FOXP2: variants seen among roughly 807,000 people sequenced by gnomAD.
The protein encoded by FOXP2 is forkhead box P2, also known as forkhead box protein P2.
Under a neutral mutation model 115.8 loss-of-function variants are expected in FOXP2, and 12 were observed. That is an observed-to-expected ratio of 0.10 (90% CI 0.07 to 0.17). The LOEUF is 0.17. FOXP2 is among the 10% of genes least tolerant of loss of function. The pLI is 1.00. For missense variants in FOXP2, 629 were observed against 843.5 expected, an observed-to-expected ratio of 0.75 and a Z score of 3.15; for synonymous variants, 328 against 297.7, an observed-to-expected ratio of 1.10 and a Z score of -1.05.
chr7:114,207,495 T>C (rs1794229157), intron 1 of FOXP2, among the ~76,000 whole-genome samples: 1 of 152,202 alleles, frequency 6.6e-6, no homozygotes, highest in Non-Finnish European at 1.5e-5. Context: ...ATAAAACATT[T>C]AGCTTGTAAG....
rs150358862 is a variant in FOXP2, at chr7:114,544,730, A to G, written c.258+10024A>G. 9.0e-3 allele frequency among the ~76,000 whole-genome samples: 1,371 copies of G among 152,330 alleles called. 11 individuals are homozygous for G. Among genetic ancestry groups the G allele is most frequent in the Non-Finnish European group, 0.013 (869 of 68,024 alleles). On this transcript the variant is annotated intron_variant, in intron 3 of 16. Coordinates refer to ENST00000350908, the MANE Select transcript of FOXP2 (RefSeq NM_014491.4). ...CTGTAAAAGCAAACAAACATAAAAG[A>G]CAAAATTATTCTCTCTACATTCTAC...
In FOXP2 at chr7:114,629,879, GCAGCAGCAGCAACAACAGCAGCAACAA is replaced by G; in HGVS notation, c.489_515del (p.Gln183_Gln191del). ...AGCTTTTGCAGCAGCAGCAGCAACA[GCAGCAGCAGCAACAACAGCAGCAACAA>G]CAGCAGCAGCAACAACAACAACAAC... is the stretch of plus-strand genomic sequence containing the variant. On this transcript the variant is annotated inframe_deletion, in exon 5 of 17. Transcript: ENST00000350908. 1.2e-6 allele frequency: 2 copies of G among 1,609,998 alleles called. No homozygotes were observed. The highest frequency in any genetic ancestry group is 8.5e-7 in the Non-Finnish European group (1 of 1,177,510).
chr7:114,142,871 C>T (rs959195530), intron 1 of FOXP2, among the ~76,000 whole-genome samples: 18 of 151,946 alleles, frequency 1.2e-4, no homozygotes, highest in Admixed American at 5.9e-4. Context: ...CTTCTGACCA[C>T]GGATGGTGGC....
intron 1 of FOXP2, among the ~76,000 whole-genome samples, chr7:114,179,637 G>C (rs2129154774): frequency 6.6e-6 from 1 of 152,032 alleles, no homozygotes; most frequent in South Asian, 2.1e-4. Context: ...GCAATCTTTT[G>C]GAAGACTATG....
intron 3 of FOXP2, among the ~76,000 whole-genome samples, chr7:114,547,478 C>A (rs1011057846): frequency 6.6e-6 from 1 of 152,110 alleles, no homozygotes; most frequent in Non-Finnish European, 1.5e-5. Context: ...ATGTGATTGG[C>A]CCAGCGCTGT....
At chr7:114,278,829 C>T (rs1562850720) in intron 1 of FOXP2, among the ~76,000 whole-genome samples, 1 of 152,130 alleles carries the variant, frequency 6.6e-6, no homozygotes, top group Non-Finnish European at 1.5e-5. Context: ...TCTTCATTTA[C>T]TTTGCTGAAG....
rs186267087 is a variant in FOXP2 at position 114,244,300 on chromosome 7, A to T, written c.-101-43719A>T. On this transcript the variant is annotated intron_variant, in intron 1 of 17. Coordinates refer to the FOXP2 transcript ENST00000634411. ...TACATTGCTATAAACTCAAGTCCAT[A>T]CTTTATTCACAGTTTGTTACCTTTT... Among the ~76,000 whole-genome samples the T allele has an allele frequency of 4.1e-3, 617 of 151,228 alleles. 7 individuals are homozygous for T. Among genetic ancestry groups the T allele is most frequent in the African/African-American group, 0.015 (594 of 40,594 alleles).
In FOXP2 at chr7:114,116,171, T is replaced by C. The variant is rs182087202; in HGVS notation, c.-247+28333T>C. 2.5e-3 allele frequency among the ~76,000 whole-genome samples: 387 copies of C among 152,266 alleles called. 4 individuals are homozygous for C. Among genetic ancestry groups the C allele is most frequent in the Non-Finnish European group, 4.5e-3 (308 of 68,004 alleles). Reference sequence around the variant, plus strand: ...CGTTGGAACAACTCCAGATGCCAACTGCAGGATAAACCTCATGGTCCTACA... The same window carrying C: ...CGTTGGAACAACTCCAGATGCCAACCGCAGGATAAACCTCATGGTCCTACA... On this transcript the variant is annotated intron_variant, in intron 1 of 19. Coordinates refer to the FOXP2 transcript ENST00000635638.
chr7:114,267,053 T>C (rs780465492), intron 1 of FOXP2, among the ~76,000 whole-genome samples: 6 of 152,124 alleles, frequency 3.9e-5, no homozygotes, highest in Non-Finnish European at 8.8e-5. Context: ...TCTAAAGAAA[T>C]GGGATATCAG....
intron 16 of FOXP2, among the ~76,000 whole-genome samples, chr7:114,672,371 G>T (rs977720580): frequency 2.0e-4 from 31 of 152,096 alleles, no homozygotes; most frequent in Non-Finnish European, 3.8e-4. Flanking sequence ...GATCACCTGA[G>T]GTCAGGAGTT....
intron 2 of FOXP2, among the ~76,000 whole-genome samples, chr7:114,435,758 C>A (rs187554090): frequency 6.6e-6 from 1 of 152,094 alleles, no homozygotes; most frequent in Non-Finnish European, 1.5e-5. Context: ...AGGCTTGTCT[C>A]GAGCTCCTGA....
In FOXP2 at chr7:114,626,669, T is replaced by C. The variant is rs553159656; in HGVS notation, c.259-1871T>C. On this transcript the variant is annotated intron_variant, in intron 3 of 16. Transcript: ENST00000350908. ...GTCTATCTTTCTCTGTCCATTTCAGTTTGATTCCTATTTGGAAATAGTATG... is the reference window on the plus strand; with the variant it reads ...GTCTATCTTTCTCTGTCCATTTCAGCTTGATTCCTATTTGGAAATAGTATG... Among the ~76,000 whole-genome samples, 3 of 151,882 alleles carry C rather than the reference T, an allele frequency of 2.0e-5. No individual in the cohort carries two copies. The South Asian group carries it at 6.2e-4, about 31-fold the overall frequency.
At chr7:114,247,692 G>T (rs1795322890) in intron 1 of FOXP2, among the ~76,000 whole-genome samples, 1 of 152,134 alleles carries the variant, frequency 6.6e-6, no homozygotes, top group African/African-American at 2.4e-5. Context: ...CATGTTTATA[G>T]TCCACTTCTG....
At chr7:114,556,036 A>G (rs1800437611) in intron 3 of FOXP2, among the ~76,000 whole-genome samples, 1 of 152,314 alleles carries the variant, frequency 6.6e-6, no homozygotes, top group South Asian at 2.1e-4. Context: ...AATATATGAG[A>G]TAACTTTTAA....
At chr7:114,210,917 C>G (rs1794330056) in intron 1 of FOXP2, among the ~76,000 whole-genome samples, 1 of 152,112 alleles carries the variant, frequency 6.6e-6, no homozygotes, top group African/African-American at 2.4e-5. Flanking sequence ...AGCAGTCTGG[C>G]CACGTTCTGG....
At chr7:114,350,380 G>C (rs530819127) in intron 2 of FOXP2, among the ~76,000 whole-genome samples, 40 of 152,268 alleles carry the variant, frequency 2.6e-4, no homozygotes, top group African/African-American at 8.9e-4. Context: ...TCACTTACGA[G>C]TGAGAACACG....
At chr7:114,425,870 A>C (rs935343230) in intron 1 of FOXP2, among the ~76,000 whole-genome samples, 4 of 151,690 alleles carry the variant, frequency 2.6e-5, no homozygotes, top group Non-Finnish European at 5.9e-5. Flanking sequence ...TGATTAAAAA[A>C]ATAGGCAATA....
chr7:114,608,190 A>G (rs545789343), intron 3 of FOXP2, among the ~76,000 whole-genome samples: 2 of 152,264 alleles, frequency 1.3e-5, no homozygotes, highest in East Asian at 3.9e-4. Context: ...ATACATATTT[A>G]TTATTTTGCA....
At chr7:114,488,985 G>T (rs888567299) in intron 2 of FOXP2, among the ~76,000 whole-genome samples, 3 of 152,058 alleles carry the variant, frequency 2.0e-5, no homozygotes, top group Non-Finnish European at 4.4e-5. Flanking sequence ...AAAACCCACT[G>T]TGATCTCTAA....
Sources: allele counts gnomAD v4.1 joint callset (sites outside exome capture counted in the v4.1 genomes callset), GRCh38; gene constraint gnomAD v4.1.1; transcripts MANE v1.5; gene names NCBI Gene and HGNC (gene_info 2026-07-23, HGNC 2026-07-21).